The following PCDH15 variants were observed in gnomAD, a reference collection of about 807,000 sequenced individuals.
The protein encoded by PCDH15 is protocadherin-15.
In PCDH15, 129 loss-of-function variants were observed where a neutral mutation model predicts 178.5. The observed-to-expected ratio is 0.72, with a 90% CI of 0.63 to 0.84. The LOEUF (loss-of-function observed/expected upper bound fraction) is 0.84, where lower values mean the gene tolerates loss of function less well. Ranked by LOEUF, PCDH15 falls within the 40% of genes least tolerant of loss-of-function variation. The probability of loss-of-function intolerance (pLI) is 0.00; values close to 1 mark genes in which losing one functional copy is unlikely to be tolerated. For synonymous variants in PCDH15, 800 were observed against 732.0 expected (o/e 1.09, Z -1.50); for missense variants, 2,230 against 2,099.9 (o/e 1.06, Z -1.21).
chr10:53,837,123 A>G (rs1298461388), intron 29 of PCDH15, among the ~76,000 whole-genome samples: 1 of 152,102 alleles, frequency 6.6e-6, no homozygotes, highest in Non-Finnish European at 1.5e-5. Flanking sequence ...GAGCAGAGTC[A>G]GAACGGAACA....
chr10:54,727,984 C>G (rs1306693695), intron 1 of PCDH15, among the ~76,000 whole-genome samples: 1 of 151,480 alleles, frequency 6.6e-6, no homozygotes, highest in Non-Finnish European at 1.5e-5. Flanking sequence ...GATATATTTA[C>G]AGCTGAATTC....
chr10:54,644,003 G>A (rs2094061793), intron 2 of PCDH15, among the ~76,000 whole-genome samples: 1 of 108,190 alleles, frequency 9.2e-6, no homozygotes, highest in Non-Finnish European at 1.7e-5. Flanking sequence ...AGAGTGTGAT[G>A]TTCCCCTTCC....
At chr10:54,907,944 C>T (rs138571172) in intron 2 of PCDH15, among the ~76,000 whole-genome samples, 58 of 152,328 alleles carry the variant, frequency 3.8e-4, no homozygotes, top group African/African-American at 1.4e-3. Context: ...AAGAAGTATG[C>T]TGTTACATTG....
chr10:54,461,791 G>A (rs1293194570), intron 3 of PCDH15, among the ~76,000 whole-genome samples: 1 of 151,586 alleles, frequency 6.6e-6, no homozygotes, highest in African/African-American at 2.4e-5. Context: ...AAATTCTTAT[G>A]GTAAGGACTT....
At chr10:54,859,311 T>C (rs1953798101) in intron 3 of PCDH15, among the ~76,000 whole-genome samples, 1 of 152,084 alleles carries the variant, frequency 6.6e-6, no homozygotes, top group Non-Finnish European at 1.5e-5. Flanking sequence ...AGCAAAATCC[T>C]TTCATATTTG....
At chr10:54,985,540 A>G (rs763961145) in intron 2 of PCDH15, among the ~76,000 whole-genome samples, 1 of 152,168 alleles carries the variant, frequency 6.6e-6, no homozygotes, top group Non-Finnish European at 1.5e-5. Flanking sequence ...AAATACTTAC[A>G]TTAGCCTACA....
intron 2 of PCDH15, among the ~76,000 whole-genome samples, chr10:55,575,108 G>A (rs1186714726): frequency 7.9e-5 from 12 of 152,012 alleles, no homozygotes; most frequent in Non-Finnish European, 1.3e-4. Context: ...GATTGCAGTG[G>A]AAGCAGTTAA....
intron 2 of PCDH15, among the ~76,000 whole-genome samples, chr10:54,620,129 G>A (rs1042458468): frequency 8.6e-5 from 13 of 151,900 alleles, no homozygotes; most frequent in South Asian, 2.1e-4. Context: ...CAGAGATGAC[G>A]CGGCCCACAA....
chr10:53,854,577 A>G (rs1005736674), intron 28 of PCDH15, among the ~76,000 whole-genome samples: 6 of 152,018 alleles, frequency 3.9e-5, no homozygotes, highest in African/African-American at 1.4e-4. Flanking sequence ...CAGAGGTTAC[A>G]GAGCTGTAAT....
intron 3 of PCDH15, among the ~76,000 whole-genome samples, chr10:54,480,809 A>G (rs938929483): frequency 6.6e-6 from 1 of 152,028 alleles, no homozygotes; most frequent in Admixed American, 6.6e-5. Context: ...TGGAATAAAT[A>G]TTATTATTCT....
chr10:55,346,531 C>T (rs150490472), intron 2 of PCDH15, among the ~76,000 whole-genome samples: 87 of 152,094 alleles, frequency 5.7e-4, no homozygotes, highest in Middle Eastern at 6.8e-3. Flanking sequence ...ACATAAATTC[C>T]ATTGAATGAT....
At chr10:54,040,767 C>T (rs1295729215) in intron 18 of PCDH15, among the ~76,000 whole-genome samples, 1 of 152,024 alleles carries the variant, frequency 6.6e-6, no homozygotes, top group Non-Finnish European at 1.5e-5. Flanking sequence ...GAGTGTCACA[C>T]TACAAATGTG....
intron 2 of PCDH15, among the ~76,000 whole-genome samples, chr10:54,646,968 C>G (rs1360501955): frequency 6.6e-6 from 1 of 151,974 alleles, no homozygotes; most frequent in African/African-American, 2.4e-5. Flanking sequence ...ACAATATGAT[C>G]CATGAATCCT....
chr10:55,388,648 T>G (rs140889974), intron 2 of PCDH15, among the ~76,000 whole-genome samples: 27 of 152,216 alleles, frequency 1.8e-4, no homozygotes, highest in African/African-American at 6.5e-4. Flanking sequence ...TGATTAATAT[T>G]AATGAGGAAC....
At chr10:53,893,942 T>C (rs1589289293) in intron 26 of PCDH15, among the ~76,000 whole-genome samples, 2 of 152,100 alleles carry the variant, frequency 1.3e-5, no homozygotes, top group South Asian at 4.1e-4. Context: ...CCAAAATACT[T>C]TTTTGCTAAA....
At chr10:54,421,687 TATATATACAC>T (rs1332962248) in intron 3 of PCDH15, among the ~76,000 whole-genome samples, 3 of 121,582 alleles carry the variant, frequency 2.5e-5, no homozygotes, top group Admixed American at 8.3e-5. Context: ...TATATATATA[TATATATACAC>T]ACACACACAC....
At chr10:54,761,976 T>C (rs1307446781) in intron 1 of PCDH15, among the ~76,000 whole-genome samples, 3 of 152,116 alleles carry the variant, frequency 2.0e-5, no homozygotes, top group Non-Finnish European at 1.5e-5. Flanking sequence ...TGTATATGTA[T>C]CTCCTAACAT....
intron 2 of PCDH15, among the ~76,000 whole-genome samples, chr10:55,437,100 T>C (rs7904392): frequency 0.77 from 116,965 of 152,094 alleles, 46,282 homozygotes; most frequent in East Asian, 1. Context: ...ATAATGATGG[T>C]CATACAATTT....
intron 23 of PCDH15, 78 bp from the exon 24 acceptor site, chr10:53,941,053 G>C: frequency 9.7e-7 from 1 of 1,028,048 alleles, no homozygotes; most frequent in Non-Finnish European, 1.5e-6. Flanking sequence ...GAAAAATTGA[G>C]AGAAAGATAA....
Sources: allele counts gnomAD v4.1 joint callset (sites outside exome capture counted in the v4.1 genomes callset), GRCh38; gene constraint gnomAD v4.1.1; transcripts MANE v1.5; gene names NCBI Gene and HGNC (gene_info 2026-07-23, HGNC 2026-07-21).